APAF1: variants seen among roughly 807,000 people sequenced by gnomAD.
APAF1 encodes the protein apoptotic peptidase activating factor 1.
APAF1 carries 91 observed loss-of-function variants against 152.4 expected under a neutral mutation model. The ratio of observed to expected loss-of-function variants is 0.60; its 90% confidence interval spans 0.50 to 0.71. The LOEUF (loss-of-function observed/expected upper bound fraction) is 0.71, where lower values mean the gene tolerates loss of function less well. Among genes scored for constraint, APAF1 ranks in the 30% least tolerant of loss-of-function variants. The pLI, the probability that APAF1 is intolerant of heterozygous loss-of-function variation, is 0.00. For synonymous variants in APAF1, 484 were observed against 494.1 expected (o/e 0.98, Z 0.27); for missense variants, 1,283 against 1,472.0 (o/e 0.87, Z 2.10).
chr12:98,686,827 C>T lies in APAF1; in HGVS notation c.2258C>T (p.Pro753Leu). The T allele has an allele frequency of 6.2e-7, 1 of 1,613,918 alleles. No homozygotes were observed. The part of the protein sequence containing the change: ...TNSVNHCRFS[P>L]DDKLLASCSA... The stretch of plus-strand genomic sequence containing the variant: ...TCAGTCAATCACTGCAGATTTTCAC[C>T]AGATGATAAGCTTTTGGCTAGTTGT... Residue 753 changes from proline (P) to leucine (L), a missense_variant, in exon 16 of 27, where the codon CCA becomes CTA. Physicochemically the swap from Pro to Leu is moderately conservative, Grantham distance 98 (BLOSUM62 -3). Coordinates refer to ENST00000551964, the MANE Select transcript of APAF1 (RefSeq NM_181861.2).
Position 98,734,992 on chromosome 12 carries a change from A to T in APAF1, c.*2426A>T. The T allele has an allele frequency of 2.6e-6, 1 of 387,822 alleles. No individual in the cohort carries two copies. 24.0% of individuals were successfully genotyped at this position (387,822 alleles called of 1,614,324 possible). ...GCCAGGTGCGGTGGCACGTGCCTGT[A>T]ATCCCAGCTCCTTGGGAGGCTAAGA... is the stretch of plus-strand genomic sequence containing the variant. On this transcript the variant is annotated 3_prime_UTR_variant, in exon 27 of 27. Transcript: ENST00000551964.
chr12:98,650,341 C>T (rs190628301), intron 4 of APAF1, among the ~76,000 whole-genome samples: 3 of 152,034 alleles, frequency 2.0e-5, no homozygotes, highest in African/African-American at 7.2e-5. Flanking sequence ...AAAAAATCAG[C>T]TGGGTGTGGT....
chr12:98,647,441 C>T (rs1209800165), intron 1 of APAF1, among the ~76,000 whole-genome samples: 1 of 151,670 alleles, frequency 6.6e-6, no homozygotes, highest in Non-Finnish European at 1.5e-5. Context: ...AGAGTGGTCT[C>T]GGCTCACTGC....
At chr12:98,710,572 A>G (rs566415906) in intron 20 of APAF1, among the ~76,000 whole-genome samples, 2 of 152,280 alleles carry the variant, frequency 1.3e-5, no homozygotes, top group Admixed American at 1.3e-4. Context: ...GACAGAGTTT[A>G]ATGAGTTGTC....
At chr12:98,685,341 T>C (rs1359961869) in intron 15 of APAF1, among the ~76,000 whole-genome samples, 7 of 128,634 alleles carry the variant, frequency 5.4e-5, no homozygotes, top group African/African-American at 1.7e-4. Context: ...TACCCCTCCC[T>C]TTTTTTTTTT....
intron 17 of APAF1, among the ~76,000 whole-genome samples, chr12:98,700,934 G>T (rs1314025195): frequency 6.6e-6 from 1 of 151,316 alleles, no homozygotes; most frequent in Non-Finnish European, 1.5e-5. Flanking sequence ...TATCAGAACT[G>T]TATTTCTTCT....
chr12:98,687,254 T>C (rs943015065), intron 16 of APAF1, among the ~76,000 whole-genome samples: 4 of 151,878 alleles, frequency 2.6e-5, no homozygotes, highest in East Asian at 3.9e-4. Context: ...TCCCAGCTAC[T>C]TGGGAGGCTG....
At chr12:98,691,515 C>T (rs1259120442) in intron 16 of APAF1, among the ~76,000 whole-genome samples, 1 of 152,144 alleles carries the variant, frequency 6.6e-6, no homozygotes, top group Non-Finnish European at 1.5e-5. Context: ...ACTACCTACT[C>T]CCTGCTTAAC....
intron 17 of APAF1, 25 bp downstream of exon 17, chr12:98,699,594 C>T: frequency 1.2e-6 from 2 of 1,612,372 alleles, no homozygotes. Context: ...AAGCCAACTT[C>T]AGTCTGATTT....
chr12:98,679,829 G>A (rs545754266), intron 13 of APAF1, among the ~76,000 whole-genome samples: 9 of 152,400 alleles, frequency 5.9e-5, no homozygotes, highest in Admixed American at 3.3e-4. Context: ...CAGTCAGCAC[G>A]TCTGTGCGCA....
chr12:98,652,867 C>T (rs1314289067), intron 4 of APAF1, among the ~76,000 whole-genome samples: 2 of 152,152 alleles, frequency 1.3e-5, no homozygotes, highest in African/African-American at 4.8e-5. Flanking sequence ...CTCAGGTGAT[C>T]CCCCTGCCTC....
At chr12:98,732,295 C>T (rs2097763427) in intron 26 of APAF1, 125 bp from the exon 27 acceptor site, 1 of 816,156 alleles carries the variant, frequency 1.2e-6, no homozygotes, top group East Asian at 2.6e-5. Context: ...AAATCCGAGA[C>T]ATTTTCCTCC....
intron 21 of APAF1, among the ~76,000 whole-genome samples, chr12:98,715,073 C>CT (rs34325673): frequency 0.23 from 28,463 of 125,844 alleles, 3,326 homozygotes; most frequent in Non-Finnish European, 0.25. Flanking sequence ...TCTTAAATGT[C>CT]TTTTTTTTTT....
intron 25 of APAF1, among the ~76,000 whole-genome samples, chr12:98,725,985 G>C (rs547976663): frequency 7.2e-5 from 11 of 152,240 alleles, no homozygotes; most frequent in African/African-American, 2.4e-4. Context: ...CATTTCCAGT[G>C]TGGTTTGTTG....
chr12:98,694,689 C>CA (rs2097707837), intron 16 of APAF1, among the ~76,000 whole-genome samples: 1 of 151,662 alleles, frequency 6.6e-6, no homozygotes, highest in African/African-American at 2.4e-5. Flanking sequence ...TTTCATATTC[C>CA]AGTGTAATAG....
intron 20 of APAF1, among the ~76,000 whole-genome samples, chr12:98,710,321 A>C (rs1368638188): frequency 6.6e-6 from 1 of 151,194 alleles, no homozygotes; most frequent in Admixed American, 6.6e-5. Context: ...GTGCTTTATT[A>C]ACTTCTAGGG....
At chr12:98,667,224 T>C (rs2097674093) in intron 9 of APAF1, among the ~76,000 whole-genome samples, 1 of 151,914 alleles carries the variant, frequency 6.6e-6, no homozygotes, top group African/African-American at 2.4e-5. Flanking sequence ...AATTCCCGAG[T>C]AGTTGGGTCT....
intron 17 of APAF1, among the ~76,000 whole-genome samples, chr12:98,699,987 C>A (rs1057271670): frequency 6.6e-6 from 1 of 152,116 alleles, no homozygotes; most frequent in Non-Finnish European, 1.5e-5. Flanking sequence ...TGTTTTCTTA[C>A]ACCTACAATT....
intron 14 of APAF1, among the ~76,000 whole-genome samples, chr12:98,682,052 GTTT>G (rs923577593): frequency 1.6e-5 from 2 of 123,864 alleles, no homozygotes; most frequent in Admixed American, 8.2e-5. Context: ...TAATTTTTTT[GTTT>G]TTTTTTTTTT....
Sources: gnomAD v4.1 joint callset for allele counts (sites outside exome capture counted in the v4.1 genomes callset) on GRCh38, gnomAD v4.1.1 for gene constraint, MANE v1.5 for transcripts, NCBI Gene and HGNC (gene_info 2026-07-23, HGNC 2026-07-21) for gene names.